The following PLS3 variants were observed in gnomAD, a reference collection of about 807,000 sequenced individuals.
The protein encoded by PLS3 is plastin 3, also known as plastin-3.
A neutral mutation model predicts 46.5 loss-of-function variants in PLS3; 11 were observed. The observed-to-expected ratio is 0.24, with a 90% CI of 0.15 to 0.39. The LOEUF (loss-of-function observed/expected upper bound fraction) is 0.39. Among genes scored for constraint, PLS3 ranks in the 10% least tolerant of loss-of-function variants. The pLI, the probability that PLS3 is intolerant of heterozygous loss-of-function variation, is 1.00. For synonymous variants in PLS3, 167 were observed against 162.2 expected (o/e 1.03, Z -0.22); for missense variants, 308 against 461.8 (o/e 0.67, Z 3.05).
chrX:115,563,136 A>T (rs1556629749), intron 1 of PLS3, among the ~76,000 whole-genome samples: 1 of 111,694 alleles, frequency 9.0e-6, no homozygotes, highest in Admixed American at 9.6e-5. Context: ...GCTAAATCCC[A>T]CAAGATAGTG....
chrX:115,647,602 G>A lies in PLS3; in HGVS notation c.1564G>A (p.Asp522Asn), dbSNP rs1556641942. The part of the protein sequence containing the change: ...DLGDGQKAND[D>N]IIVNWVNRTL... ...TGGAGATGGTCAGAAAGCCAATGACGACATCATTGTGAACTGGGTGAACAG... is the reference window on the plus strand; with the variant it reads ...TGGAGATGGTCAGAAAGCCAATGACAACATCATTGTGAACTGGGTGAACAG... The change falls in exon 14 of 16, where the codon GAC (aspartate) becomes AAC (asparagine). Residue 522 changes from aspartate to asparagine, a missense_variant. By Grantham distance (23) the Asp-to-Asn change is conservative. Around this residue, in one of 2 missense-constraint regions of PLS3, gnomAD observed 271 missense variants for 435.7 expected, o/e 0.62. Transcript: ENST00000355899. 2 of 1,200,702 alleles carry A rather than the reference G, an allele frequency of 1.7e-6. No individual in the cohort carries two copies. The highest frequency in any genetic ancestry group is 1.8e-5 in the South Asian group (1 of 56,655).
intron 1 of PLS3, among the ~76,000 whole-genome samples, chrX:115,596,516 A>G (rs2074390481): frequency 8.9e-6 from 1 of 111,736 alleles, no homozygotes; most frequent in African/African-American, 3.3e-5. Flanking sequence ...CGGGTTAGCA[A>G]CTATGACCCT....
At chrX:115,609,880 G>A (rs1172250525) in intron 1 of PLS3, among the ~76,000 whole-genome samples, 2 of 111,883 alleles carry the variant, frequency 1.8e-5, no homozygotes, top group African/African-American at 6.5e-5. Context: ...GATACTTTCC[G>A]TGAATCATTG....
chrX:115,637,000 A>G (rs2074844324), intron 8 of PLS3, 22 bp downstream of exon 8: 1 of 1,191,715 alleles, frequency 8.4e-7, no homozygotes, highest in Non-Finnish European at 1.1e-6. Context: ...AAGAATCACA[A>G]CATTTTGGGG....
chrX:115,641,982 G>C (rs782303111), intron 9 of PLS3, among the ~76,000 whole-genome samples: 1 of 104,161 alleles, frequency 9.6e-6, no homozygotes, highest in South Asian at 4.5e-4. Flanking sequence ...TGCTCATGCT[G>C]TTCTCATGGT....
At chrX:115,619,762 A>C (rs1165651436) in intron 2 of PLS3, among the ~76,000 whole-genome samples, 1 of 112,515 alleles carries the variant, frequency 8.9e-6, no homozygotes, top group African/African-American at 3.2e-5. Context: ...GGCCCCAGCC[A>C]TGCCGGGGAG....
intron 1 of PLS3, among the ~76,000 whole-genome samples, chrX:115,569,022 C>T (rs2074195608): frequency 1.3e-5 from 1 of 75,076 alleles, no homozygotes; most frequent in East Asian, 4.0e-4. Flanking sequence ...GGCAACAGAG[C>T]ACGACTCCGT....
chrX:115,625,006 C>T (rs1056431919), intron 3 of PLS3, among the ~76,000 whole-genome samples: 1 of 111,570 alleles, frequency 9.0e-6, no homozygotes, highest in African/African-American at 3.3e-5. Context: ...AGTAAAGTAA[C>T]CTACCTGAAG....
chrX:115,593,272 T>G (rs1176429324), intron 1 of PLS3, among the ~76,000 whole-genome samples: 2 of 109,912 alleles, frequency 1.8e-5, no homozygotes, highest in African/African-American at 6.6e-5. Context: ...AATAGGTATA[T>G]GGGTTGTAGC....
intron 1 of PLS3, among the ~76,000 whole-genome samples, chrX:115,577,608 G>A (rs1315728862): frequency 3.6e-5 from 4 of 110,629 alleles, no homozygotes; most frequent in African/African-American, 1.3e-4. Flanking sequence ...TCCCCAAGTA[G>A]CTGGGATTAC....
chrX:115,587,601 G>A (rs782544240), intron 1 of PLS3, among the ~76,000 whole-genome samples: 30 of 111,097 alleles, frequency 2.7e-4, no homozygotes, highest in Admixed American at 9.6e-4. Context: ...TGGGCGTGGT[G>A]GCGGGCACCT....
chrX:115,629,973 A>G lies in PLS3; in HGVS notation c.500+6A>G, dbSNP rs2074747694. The G allele has an allele frequency of 5.2e-6, 6 of 1,150,166 alleles. No homozygotes were observed. Among genetic ancestry groups the G allele is most frequent in the Non-Finnish European group, 7.0e-6 (6 of 860,658 alleles). 94.8% of individuals were successfully genotyped at this position (1,150,166 alleles called of 1,213,427 possible). ...GGTGATGGAATTGTGCTTTGGTAAG[A>G]TGTTAGCTTGTTTTATATCCAGATA... On this transcript the variant is annotated splice_donor_region_variant and intron_variant, in intron 5 of 15. Coordinates refer to ENST00000355899, the MANE Select transcript of PLS3 (RefSeq NM_005032.7).
intron 8 of PLS3, among the ~76,000 whole-genome samples, chrX:115,638,988 A>T (rs2074868138): frequency 9.0e-6 from 1 of 111,672 alleles, no homozygotes; most frequent in Non-Finnish European, 1.9e-5. Flanking sequence ...TGCTGGGATT[A>T]CAGGCATGAG....
chrX:115,634,790 T>C (rs1556639918), intron 6 of PLS3, 91 bp from the exon 7 acceptor site: 1 of 817,671 alleles, frequency 1.2e-6, no homozygotes, highest in African/African-American at 2.1e-5. Flanking sequence ...ATTAATTTCC[T>C]CATTGAATGT....
intron 11 of PLS3, 27 bp from the exon 12 acceptor site, chrX:115,646,045 C>T (rs1569529259): frequency 1.1e-6 from 1 of 881,348 alleles, no homozygotes; most frequent in Non-Finnish European, 1.7e-6. Context: ...CCTGAAAACA[C>T]TGATTACATT....
chrX:115,595,171 A>G (rs1254111386), intron 1 of PLS3, among the ~76,000 whole-genome samples: 1 of 112,041 alleles, frequency 8.9e-6, no homozygotes, highest in African/African-American at 3.2e-5. Flanking sequence ...ATTTTTAAAT[A>G]GCCATTGCTT....
In PLS3 at chrX:115,625,922, C is replaced by T. The variant is rs1435540323; in HGVS notation, c.238-3276C>T. On this transcript the variant is annotated intron_variant, in intron 3 of 15. Coordinates refer to ENST00000355899, the MANE Select transcript of PLS3 (RefSeq NM_005032.7). ...AATAAAAAACATATATATTCCATAA[C>T]GGAGACTGAAAAAGATGTATAGATC... is the stretch of plus-strand genomic sequence containing the variant. Among the ~76,000 whole-genome samples, 5 of 112,106 alleles carry T rather than the reference C, an allele frequency of 4.5e-5. No individual in the cohort carries two copies. In the Admixed American group the frequency reaches 4.8e-4, roughly 11 times the overall value.
chrX:115,637,250 G>T (rs1336231487), intron 8 of PLS3, among the ~76,000 whole-genome samples: 3 of 111,726 alleles, frequency 2.7e-5, no homozygotes, highest in Non-Finnish European at 5.6e-5. Flanking sequence ...GAGTATTAAA[G>T]AATAGGACAT....
At chrX:115,581,575 T>C (rs1556631834) in intron 1 of PLS3, among the ~76,000 whole-genome samples, 1 of 112,000 alleles carries the variant, frequency 8.9e-6, no homozygotes, top group African/African-American at 3.2e-5. Context: ...TTGTTGGTTT[T>C]GGGTGAGGGA....
Sources: allele counts gnomAD v4.1 joint callset (sites outside exome capture counted in the v4.1 genomes callset), GRCh38; gene constraint gnomAD v4.1.1; regional missense constraint gnomAD v4.1.1; transcripts MANE v1.5; gene names NCBI Gene and HGNC (gene_info 2026-07-23, HGNC 2026-07-21).